The following TMPRSS11D variants were observed in gnomAD, a reference collection of about 807,000 sequenced individuals.
TMPRSS11D encodes transmembrane protease serine 11D.
TMPRSS11D carries 32 observed loss-of-function variants against 44.4 expected under a neutral mutation model. The observed-to-expected ratio is 0.72, with a 90% CI of 0.54 to 0.97. TMPRSS11D has a LOEUF of 0.97. Among genes scored for constraint, TMPRSS11D ranks in the 50% least tolerant of loss-of-function variants. The pLI, the probability that TMPRSS11D is intolerant of heterozygous loss-of-function variation, is 0.00. For synonymous variants in TMPRSS11D, 179 were observed against 177.9 expected (o/e 1.01, Z -0.05); for missense variants, 446 against 502.6 (o/e 0.89, Z 1.08).
Position 67,859,683 on chromosome 4 carries a change from C to A in TMPRSS11D, c.9-5G>T. ...GTCGAAGTTACACGTGCTGGCCTTA[C>A]AAGAGAGAGAGATCAAAGAAAGTCA... On this transcript the variant is annotated splice_region_variant and splice_polypyrimidine_tract_variant and intron_variant, in intron 1 of 9. Coordinates refer to ENST00000283916, the MANE Select transcript of TMPRSS11D (RefSeq NM_004262.3). 1 of 1,612,182 alleles carries A rather than the reference C, an allele frequency of 6.2e-7. No individual in the cohort carries two copies. The highest frequency in any genetic ancestry group is 8.5e-7 in the Non-Finnish European group (1 of 1,178,748).
chr4:67,835,200 C>G, intron 5 of TMPRSS11D, 79 bp from the exon 6 acceptor site: 1 of 1,315,146 alleles, frequency 7.6e-7, no homozygotes, highest in Non-Finnish European at 1.1e-6. Flanking sequence ...AGTACAGTAC[C>G]CAGACAACAA....
At chr4:67,839,191 G>A (rs1432077347) in intron 4 of TMPRSS11D, 1 of 151,980 alleles carries the variant, frequency 6.6e-6, no homozygotes, top group Non-Finnish European at 1.5e-5. Context: ...TTTTAAAAAT[G>A]TTAGATAAAC....
intron 6 of TMPRSS11D, 148 bp from the exon 7 acceptor site, chr4:67,833,529 A>G: frequency 3.2e-6 from 2 of 632,560 alleles, no homozygotes; most frequent in Non-Finnish European, 4.7e-6. Flanking sequence ...CATGATCGAT[A>G]TATTTCTACA....
At chr4:67,834,993 T>A (rs1465741973) in intron 6 of TMPRSS11D, 90 bp downstream of exon 6, 2 of 1,174,616 alleles carry the variant, frequency 1.7e-6, no homozygotes, top group Admixed American at 3.6e-5. Context: ...ACTTGATAGA[T>A]ACTGCCTTGG....
chr4:67,857,316 TATATATACACACACACAC>T (rs1718674514), intron 2 of TMPRSS11D, among the ~76,000 whole-genome samples: 1 of 1,376 alleles, frequency 7.3e-4, no homozygotes, highest in African/African-American at 1.2e-3. Context: ...TATATATATA[TATATATACACACACACAC>T]ACACACACAC....
chr4:67,842,927 T>G (rs964221416), intron 3 of TMPRSS11D, among the ~76,000 whole-genome samples: 3 of 152,290 alleles, frequency 2.0e-5, no homozygotes, highest in Non-Finnish European at 4.4e-5. Context: ...TATGGCTTGG[T>G]GGCTTTTACT....
intron 7 of TMPRSS11D, among the ~76,000 whole-genome samples, chr4:67,832,834 T>C (rs1321432669): frequency 1.3e-5 from 2 of 151,990 alleles, no homozygotes; most frequent in Non-Finnish European, 2.9e-5. Context: ...TTTACATTAG[T>C]GTACTCAATG....
At chr4:67,843,768 A>G (rs1426396007) in intron 3 of TMPRSS11D, among the ~76,000 whole-genome samples, 4 of 152,000 alleles carry the variant, frequency 2.6e-5, no homozygotes, top group Admixed American at 2.0e-4. Context: ...CTAAAAATAC[A>G]AAAAATTAGC....
chr4:67,847,596 T>G (rs1026024126), intron 3 of TMPRSS11D, among the ~76,000 whole-genome samples: 3 of 152,304 alleles, frequency 2.0e-5, no homozygotes, highest in African/African-American at 7.2e-5. Flanking sequence ...TCCCACTGTA[T>G]TACTGTCTAC....
At chr4:67,867,135 CAT>C (rs750804693) in intron 1 of TMPRSS11D, among the ~76,000 whole-genome samples, 1 of 151,916 alleles carries the variant, frequency 6.6e-6, no homozygotes, top group Non-Finnish European at 1.5e-5. Flanking sequence ...AAAATAAACA[CAT>C]AGATCAATGA....
intron 1 of TMPRSS11D, among the ~76,000 whole-genome samples, chr4:67,865,301 A>T (rs1048819383): frequency 6.6e-6 from 1 of 151,782 alleles, no homozygotes; most frequent in Non-Finnish European, 1.5e-5. Context: ...GAGGGGATTT[A>T]AAAAAATTTT....
At chr4:67,868,802 G>A (rs954615723) in intron 1 of TMPRSS11D, among the ~76,000 whole-genome samples, 3 of 152,226 alleles carry the variant, frequency 2.0e-5, no homozygotes, top group Non-Finnish European at 4.4e-5. Context: ...CAGTTGGGCT[G>A]CAAGAGGCGG....
intron 1 of TMPRSS11D, among the ~76,000 whole-genome samples, chr4:67,866,422 C>G (rs375214969): frequency 6.6e-6 from 1 of 151,798 alleles, no homozygotes; most frequent in Non-Finnish European, 1.5e-5. Context: ...AGCATTCCAC[C>G]GAAGAATTGG....
At position 67,835,667 on chromosome 4, in the gene TMPRSS11D, AAG is replaced by A. The variant is rs1332799042; in HGVS notation, c.476-548_476-547del. On this transcript the variant is annotated intron_variant, in intron 5 of 9. Transcript: ENST00000283916. ...TAAGTGCAAAGTAGAGAAAAGAAAA[AAG>A]AGAGTAATTAAATTATATGGAGGAG... 1.1e-4 allele frequency among the ~76,000 whole-genome samples: 17 copies of A among 152,280 alleles called. No individual in the cohort carries two copies. In the East Asian group the frequency reaches 1.5e-3, roughly 14 times the overall value.
chr4:67,825,649 T>C (rs868337130), intron 9 of TMPRSS11D, 83 bp downstream of exon 9: 1 of 1,460,072 alleles, frequency 6.8e-7, no homozygotes. Flanking sequence ...ACTGTTACAC[T>C]TATGTCTATC....
At chr4:67,851,855 C>T (rs1216533153) in intron 3 of TMPRSS11D, among the ~76,000 whole-genome samples, 1 of 152,164 alleles carries the variant, frequency 6.6e-6, no homozygotes, top group Non-Finnish European at 1.5e-5. Context: ...TACCTTAAGC[C>T]CATCCTTTCC....
chr4:67,847,969 G>A (rs923823443), intron 3 of TMPRSS11D, among the ~76,000 whole-genome samples: 24 of 152,066 alleles, frequency 1.6e-4, no homozygotes, highest in African/African-American at 5.8e-4. Flanking sequence ...TGAACACCAA[G>A]TATGTGCCAA....
rs200573099 is a variant in TMPRSS11D at position 67,863,054 on chromosome 4, AT to A, written c.9-3377del. On this transcript the variant is annotated intron_variant, in intron 1 of 9. Coordinates refer to ENST00000283916, the MANE Select transcript of TMPRSS11D (RefSeq NM_004262.3). ...AGAACTTAAAGTATAATAAAAAAAT[AT>A]ATATAAAATAATAATAAAAAAATAA... Among the ~76,000 whole-genome samples the A allele has an allele frequency of 8.8e-3, 1,180 of 134,370 alleles. 13 individuals are homozygous for A. Among genetic ancestry groups the A allele is most frequent in the African/African-American group, 0.037 (1,119 of 30,262 alleles). 88.2% of individuals were successfully genotyped at this position (134,370 alleles called of 152,430 possible).
intron 3 of TMPRSS11D, among the ~76,000 whole-genome samples, chr4:67,844,718 G>A (rs1019389966): frequency 6.6e-6 from 1 of 151,962 alleles, no homozygotes; most frequent in Non-Finnish European, 1.5e-5. Context: ...GGCAGAGGTC[G>A]CAGTGAGTCA....
Sources: gnomAD v4.1 joint callset for allele counts (sites outside exome capture counted in the v4.1 genomes callset) on GRCh38, gnomAD v4.1.1 for gene constraint, MANE v1.5 for transcripts, NCBI Gene and HGNC (gene_info 2026-07-23, HGNC 2026-07-21) for gene names.